Variants in GVQW3 observed in about 807,000 individuals in gnomAD.
GVQW3 encodes the protein protein GVQW3.
GVQW3 carries 7 observed loss-of-function variants against 12.5 expected under a neutral mutation model. That is an observed-to-expected ratio of 0.56 (90% CI 0.32 to 1.05). The LOEUF is 1.05. Ranked by LOEUF, GVQW3 falls within the 50% of genes least tolerant of loss-of-function variation. The probability of loss-of-function intolerance (pLI) is 0.04; values close to 1 mark genes in which losing one functional copy is unlikely to be tolerated. For synonymous variants in GVQW3, 71 were observed against 67.2 expected (o/e 1.06, Z -0.28); for missense variants, 188 against 190.8 (o/e 0.99, Z 0.09).
downstream of GVQW3, chr11:76,408,673 G>A (rs1343221602): frequency 6.6e-6 from 1 of 152,178 alleles, no homozygotes; most frequent in Non-Finnish European, 1.5e-5. Context: ...GGCTGGCTTT[G>A]CTTGAGGCCT....
At chr11:76,411,888 C>A (rs1424093067), downstream of GVQW3, 2 of 152,222 alleles carry the variant, frequency 1.3e-5, no homozygotes, top group Non-Finnish European at 2.9e-5. Flanking sequence ...TAAGTAAGAG[C>A]CTCTGCACGT....
At position 76,382,363 on chromosome 11, in the gene GVQW3, C is replaced by T. The variant is rs750017069; in HGVS notation, c.465+70C>T. The T allele has an allele frequency of 6.2e-5, 61 of 978,044 alleles. 1 individual carries two copies. The South Asian group carries it at 8.3e-4, about 13-fold the overall frequency. The allele number at this position is 978,044 out of a possible 1,614,324, so 60.6% of individuals were successfully genotyped here. A position where few individuals can be genotyped will look rare whatever the true frequency, so the allele number is the denominator to read the frequency against. On this transcript the variant is annotated intron_variant, in intron 1 of 1. Coordinates refer to ENST00000529331, the MANE Select transcript of GVQW3 (RefSeq NM_001347885.2). The stretch of plus-strand genomic sequence containing the variant: ...TGGGGAAATGCCCCTGCCGGTATCC[C>T]ATCCCAGAGTCCACTACTCTGCCAG...
chr11:76,406,780 G>A lies in GVQW3; in HGVS notation c.*3022G>A, dbSNP rs1274565168. On this transcript the variant is annotated 3_prime_UTR_variant, in exon 2 of 2. Transcript: ENST00000529331. ...TCCCAGCACTTTAGGAGGCCAAGGC[G>A]GGTCGATCACGAAGTCAGGAGATCG... The A allele has an allele frequency of 3.9e-5, 6 of 152,168 alleles. No individual in the cohort carries two copies. The highest frequency in any genetic ancestry group is 1.4e-4 in the African/African-American group (6 of 41,418). The allele number at this position is 152,168 out of a possible 1,614,324, so 9.4% of individuals were successfully genotyped here. A position where few individuals can be genotyped will look rare whatever the true frequency, so the allele number is the denominator to read the frequency against.
chr11:76,409,608 G>A (rs1947068371), downstream of GVQW3, among the ~76,000 whole-genome samples: 1 of 152,076 alleles, frequency 6.6e-6, no homozygotes, highest in South Asian at 2.1e-4. Flanking sequence ...CCTCCTCACC[G>A]CCCCTGAGTA....
At chr11:76,392,765 A>G (rs562796929) in intron 1 of GVQW3, 2 of 152,358 alleles carry the variant, frequency 1.3e-5, no homozygotes, top group Non-Finnish European at 2.9e-5. Flanking sequence ...GTGCGTATTC[A>G]TAAGTAAATG....
chr11:76,393,583 C>T (rs1479078977), intron 1 of GVQW3, among the ~76,000 whole-genome samples: 2 of 152,164 alleles, frequency 1.3e-5, no homozygotes, highest in African/African-American at 4.8e-5. Flanking sequence ...CTGCTGCCAT[C>T]CACCTGGGAA....
At chr11:76,414,591 C>T (rs1469908476) in exon 2 of GVQW3, 2 of 148,754 alleles carry the variant, frequency 1.3e-5, no homozygotes, top group African/African-American at 5.0e-5. Flanking sequence ...GAGCTATCAC[C>T]TCTCCAGGAT....
At chr11:76,387,899 G>A (rs2851145) in intron 1 of GVQW3, among the ~76,000 whole-genome samples, 1 of 152,200 alleles carries the variant, frequency 6.6e-6, no homozygotes, top group Non-Finnish European at 1.5e-5. Context: ...CTACAGCCTA[G>A]GCGACAGAGT....
chr11:76,414,279 C>T (rs74643967), exon 2 of GVQW3: 25 of 152,250 alleles, frequency 1.6e-4, no homozygotes, highest in African/African-American at 5.5e-4. Context: ...CTTTGTGGAA[C>T]TGGGAACTTC....
At position 76,407,420 on chromosome 11, in the gene GVQW3, T is replaced by C. The variant is rs1227918065; in HGVS notation, c.*3662T>C. 1.3e-5 allele frequency: 2 copies of C among 151,206 alleles called. No individual in the cohort carries two copies. Among genetic ancestry groups the C allele is most frequent in the Non-Finnish European group, 2.9e-5 (2 of 67,826 alleles). The allele number at this position is 151,206 out of a possible 1,614,324, so 9.4% of individuals were successfully genotyped here. A position where few individuals can be genotyped will look rare whatever the true frequency, so the allele number is the denominator to read the frequency against. ...GGTGAAACCCCTTCTCTACTAAAAA[T>C]ACAAAAATTAGCTGGGTGTGGTGGT... On this transcript the variant is annotated 3_prime_UTR_variant, in exon 2 of 2. Transcript: ENST00000529331.
Position 76,405,585 on chromosome 11 carries a change from A to G in GVQW3, c.*1827A>G, listed in dbSNP as rs1166362598. 6.6e-6 allele frequency: 1 copy of G among 152,262 alleles called. No individual in the cohort carries two copies. The highest frequency in any genetic ancestry group is 2.4e-5 in the African/African-American group (1 of 41,432). The allele number at this position is 152,262 out of a possible 1,614,324, so 9.4% of individuals were successfully genotyped here. A position where few individuals can be genotyped will look rare whatever the true frequency, so the allele number is the denominator to read the frequency against. The stretch of plus-strand genomic sequence containing the variant: ...TGAGGGCTCTTTCCATTGCCATGCT[A>G]TGTTCCACCCTCCCCTTCAACTGCC... On this transcript the variant is annotated 3_prime_UTR_variant, in exon 2 of 2. Coordinates refer to ENST00000529331, the MANE Select transcript of GVQW3 (RefSeq NM_001347885.2).
intron 1 of GVQW3, among the ~76,000 whole-genome samples, chr11:76,384,739 G>A (rs1175010755): frequency 6.6e-6 from 1 of 152,210 alleles, no homozygotes; most frequent in Non-Finnish European, 1.5e-5. Flanking sequence ...CTCCTTAACA[G>A]TTTCTAGACA....
chr11:76,382,201 G>A lies in GVQW3; in HGVS notation c.373G>A (p.Val125Ile), dbSNP rs1442537127. The A allele has an allele frequency of 1.2e-5, 18 of 1,536,062 alleles. No individual in the cohort carries two copies. Among genetic ancestry groups the A allele is most frequent in the Non-Finnish European group, 1.5e-5 (17 of 1,146,938 alleles). Residue 125 changes from valine to isoleucine, a missense_variant, in exon 1 of 2, where the codon GTT (valine) becomes ATT (isoleucine). Val to Ile is a conservative substitution (Grantham distance 29). Coordinates refer to ENST00000529331, the MANE Select transcript of GVQW3 (RefSeq NM_001347885.2). ...RKISAKVISG[V>I]LKGEPKPRKL... ...GATTTCTGCAAAAGTTATTTCGGGT[G>A]TTTTGAAGGGTGAGCCTAAACCACG... is the stretch of plus-strand genomic sequence containing the variant.
chr11:76,400,982 C>G (rs1363493197), intron 1 of GVQW3, among the ~76,000 whole-genome samples: 1 of 151,644 alleles, frequency 6.6e-6, no homozygotes, highest in Non-Finnish European at 1.5e-5. Flanking sequence ...TTTCCCAACT[C>G]TTTCTCCTCC....
chr11:76,409,187 A>G (rs751659397), downstream of GVQW3, among the ~76,000 whole-genome samples: 7 of 152,176 alleles, frequency 4.6e-5, no homozygotes, highest in Non-Finnish European at 8.8e-5. Flanking sequence ...ACGAATGTAC[A>G]CCGAATGCCT....
Position 76,403,815 on chromosome 11 carries a change from A to T in GVQW3, c.*57A>T. The T allele has an allele frequency of 1.5e-6, 1 of 649,072 alleles. No individual in the cohort carries two copies. The highest frequency in any genetic ancestry group is 2.8e-6 in the Non-Finnish European group (1 of 352,090). The allele number at this position is 649,072 out of a possible 1,614,324, so 40.2% of individuals were successfully genotyped here. A position where few individuals can be genotyped will look rare whatever the true frequency, so the allele number is the denominator to read the frequency against. On this transcript the variant is annotated 3_prime_UTR_variant, in exon 2 of 2. Coordinates refer to ENST00000529331, the MANE Select transcript of GVQW3 (RefSeq NM_001347885.2). ...ATGGTGTAAATTCCAGTCTGAGTCCACAGGCCGAAGAGCGAGGAGTGCTGA... is the reference window on the plus strand; with the variant it reads ...ATGGTGTAAATTCCAGTCTGAGTCCTCAGGCCGAAGAGCGAGGAGTGCTGA...
rs59221164 is a variant in GVQW3, at chr11:76,395,306, A to G, written c.466-8354A>G. ...AAGCAGTCATTCTCCATTCTCTCTC[A>G]TCCTTGGCCCCAGCAACCATGAATC... is the stretch of plus-strand genomic sequence containing the variant. On this transcript the variant is annotated intron_variant, in intron 1 of 1. Coordinates refer to ENST00000529331, the MANE Select transcript of GVQW3 (RefSeq NM_001347885.2). Among the ~76,000 whole-genome samples, 853 of 152,292 alleles carry G rather than the reference A, an allele frequency of 5.6e-3. 8 individuals carry two copies. Among genetic ancestry groups the G allele is most frequent in the African/African-American group, 0.02 (826 of 41,558 alleles).
chr11:76,395,902 C>T (rs1262786988), intron 1 of GVQW3, among the ~76,000 whole-genome samples: 2 of 152,142 alleles, frequency 1.3e-5, no homozygotes, highest in Non-Finnish European at 2.9e-5. Context: ...TAGTCTAGGG[C>T]TAATTTTGCC....
At chr11:76,398,624 T>TA (rs572098615) in intron 1 of GVQW3, among the ~76,000 whole-genome samples, 1 of 152,102 alleles carries the variant, frequency 6.6e-6, no homozygotes, top group Non-Finnish European at 1.5e-5. Flanking sequence ...CAATTTTCTT[T>TA]AAAAAACAAT....
Sources: gnomAD v4.1 joint callset for allele counts (sites outside exome capture counted in the v4.1 genomes callset) on GRCh38, gnomAD v4.1.1 for gene constraint, MANE v1.5 for transcripts, NCBI Gene and HGNC (gene_info 2026-07-23, HGNC 2026-07-21) for gene names.